The following TENM1 variants were observed in gnomAD, a reference collection of about 807,000 sequenced individuals.
TENM1 encodes the protein teneurin-1.
A neutral mutation model predicts 174.8 loss-of-function variants in TENM1; 35 were observed. That is an observed-to-expected ratio of 0.20 (90% CI 0.15 to 0.27). The LOEUF (loss-of-function observed/expected upper bound fraction) is 0.27, where lower values mean the gene tolerates loss of function less well. Among genes scored for constraint, TENM1 ranks in the 10% least tolerant of loss-of-function variants. The pLI is 1.00. For missense variants in TENM1, 1,633 were observed against 2,130.1 expected (o/e 0.77, Z 4.59); for synonymous variants, 781 against 798.7 (o/e 0.98, Z 0.37).
At position 124,392,086 on chromosome X, in the gene TENM1, T is replaced by C. The variant is rs1471516179; in HGVS notation, c.5654A>G (p.Asp1885Gly). 6 of 1,209,185 alleles carry C rather than the reference T, an allele frequency of 5.0e-6. No individual in the cohort carries two copies. In the South Asian group the frequency reaches 7.1e-5, roughly 14 times the overall value. Residue 1885 changes from aspartate (D) to glycine (G), a missense_variant, in exon 28 of 32, where the codon GAT (aspartate) becomes GGT (glycine). Asp to Gly is a moderately conservative substitution (Grantham distance 94). This residue lies in a region of TENM1 where 807 missense variants were observed against 1,125.3 expected (regional missense o/e 0.72). Transcript: ENST00000422452. ...GTAGGTATAGCTCCAAATTTTCCCA[T>C]CAGCCCAAGTTCTTGAAATAATTTT... is the stretch of plus-strand genomic sequence containing the variant.
the TENM1 span, among the ~76,000 whole-genome samples, chrX:125,076,352 A>G: frequency 3.5e-5 from 3 of 85,783 alleles, no homozygotes; most frequent in South Asian, 1.3e-3. Flanking sequence ...TCCCAAACTG[A>G]TAAAAAACTT....
chrX:124,474,703 T>A (rs1276674045), intron 22 of TENM1, among the ~76,000 whole-genome samples: 1 of 111,677 alleles, frequency 9.0e-6, no homozygotes, highest in Non-Finnish European at 1.9e-5. Context: ...GGCCGGAAGG[T>A]CCTCAAGTTC....
rs200928067 is a variant in TENM1 at position 124,868,570 on chromosome X, CA to C, written c.535+25725del. 1.9e-4 allele frequency among the ~76,000 whole-genome samples: 21 copies of C among 111,149 alleles called. No homozygotes were observed. In the East Asian group the frequency reaches 6.0e-3, roughly 32 times the overall value. On this transcript the variant is annotated intron_variant, in intron 3 of 31. Transcript: ENST00000422452. ...AAACTCTCCAGGATATTACTCTGGGCAAAAAATTTCTTAAGCAATACTCCAC... is the reference window on the plus strand; with the variant it reads ...AAACTCTCCAGGATATTACTCTGGGCAAAAATTTCTTAAGCAATACTCCAC...
intron 19 of TENM1, among the ~76,000 whole-genome samples, chrX:124,501,468 A>T (rs17330818): frequency 0.051 from 5,737 of 112,005 alleles, 300 homozygotes; most frequent in East Asian, 0.15. Context: ...GGAGCCAAAG[A>T]AAACTGAAGA....
At chrX:124,965,685 T>C (rs1339799528), upstream of TENM1, among the ~76,000 whole-genome samples, 2 of 104,034 alleles carry the variant, frequency 1.9e-5, no homozygotes, top group Admixed American at 2.0e-4. Context: ...GCAGCAGATA[T>C]GAACATATAC....
At chrX:124,999,753 T>A in the TENM1 span, among the ~76,000 whole-genome samples, 2 of 110,896 alleles carry the variant, frequency 1.8e-5, no homozygotes, top group Non-Finnish European at 3.8e-5. Context: ...AATGTCTTGC[T>A]CTACAAAGGC....
the TENM1 span, among the ~76,000 whole-genome samples, chrX:125,049,082 C>T: frequency 2.7e-5 from 3 of 111,864 alleles, no homozygotes; most frequent in Admixed American, 1.9e-4. Flanking sequence ...TTTTTAACAG[C>T]TTTATTGAGA....
the TENM1 span, among the ~76,000 whole-genome samples, chrX:125,050,228 G>C: frequency 1.8e-5 from 2 of 109,295 alleles, no homozygotes; most frequent in African/African-American, 6.7e-5. Flanking sequence ...AGTTACATAT[G>C]TATACATGTG....
chrX:124,535,643 A>G lies in TENM1; in HGVS notation c.2652-5660T>C, dbSNP rs775889695. Reference sequence around the variant, plus strand: ...TGCTCATACTTGTGTTATTGCACTTATCATAACCGGTCTTGGATGACAGTT... The same window carrying G: ...TGCTCATACTTGTGTTATTGCACTTGTCATAACCGGTCTTGGATGACAGTT... On this transcript the variant is annotated intron_variant, in intron 15 of 31. Transcript: ENST00000422452. Among the ~76,000 whole-genome samples, 5 of 112,145 alleles carry G rather than the reference A, an allele frequency of 4.5e-5. No individual in the cohort carries two copies. The South Asian group carries it at 1.9e-3, about 42-fold the overall frequency.
the TENM1 span, among the ~76,000 whole-genome samples, chrX:125,160,814 G>A: frequency 3.7e-5 from 4 of 109,469 alleles, no homozygotes; most frequent in Non-Finnish European, 7.6e-5. Flanking sequence ...GAGAAATTGG[G>A]ATGGGACACT....
chrX:125,137,238 A>G, the TENM1 span, among the ~76,000 whole-genome samples: 1 of 111,283 alleles, frequency 9.0e-6, no homozygotes. Flanking sequence ...ATTGATTATT[A>G]TTGTGTATGG....
chrX:124,530,066 G>A lies in TENM1; in HGVS notation c.2652-83C>T, dbSNP rs776571793. On this transcript the variant is annotated intron_variant, in intron 15 of 31. Transcript: ENST00000422452. ...CAAGTTGTAGAAACTTTGGAAAACA[G>A]TCAAGTATAACAAAGAAAACAATAA... 6.1e-4 allele frequency: 633 copies of A among 1,035,557 alleles called. 5 individuals carry two copies. The African/African-American group carries it at 0.011, about 18-fold the overall frequency. 85.3% of individuals were successfully genotyped at this position (1,035,557 alleles called of 1,213,427 possible).
chrX:124,603,989 T>A (rs2843516), intron 11 of TENM1, among the ~76,000 whole-genome samples: 3 of 110,738 alleles, frequency 2.7e-5, no homozygotes, highest in Non-Finnish European at 5.7e-5. Context: ...TCATTACACC[T>A]TATGTAGTAG....
chrX:124,629,754 C>A (rs1163221875), intron 11 of TENM1, among the ~76,000 whole-genome samples: 1 of 112,203 alleles, frequency 8.9e-6, no homozygotes, highest in Non-Finnish European at 1.9e-5. Flanking sequence ...GAATCTCTGA[C>A]AACTTTTATA....
chrX:124,841,833 A>C (rs995197086), intron 3 of TENM1, among the ~76,000 whole-genome samples: 1 of 111,761 alleles, frequency 8.9e-6, no homozygotes, highest in Non-Finnish European at 1.9e-5. Flanking sequence ...GGATTATACG[A>C]ATTCTGGAAG....
chrX:124,492,491 G>C (rs1241825499), intron 20 of TENM1, among the ~76,000 whole-genome samples: 2 of 109,324 alleles, frequency 1.8e-5, no homozygotes, highest in Non-Finnish European at 3.8e-5. Context: ...AACTGATCAG[G>C]ATAGATGCTT....
At chrX:125,163,038 G>A in the TENM1 span, among the ~76,000 whole-genome samples, 1 of 111,336 alleles carries the variant, frequency 9.0e-6, no homozygotes, top group Non-Finnish European at 1.9e-5. Flanking sequence ...TGCCCCCGCT[G>A]CCACCACTTT....
the TENM1 span, among the ~76,000 whole-genome samples, chrX:125,114,302 G>A: frequency 1.8e-5 from 2 of 111,609 alleles, no homozygotes; most frequent in African/African-American, 3.3e-5. Context: ...GCCCACAGGA[G>A]AAAGCAGAAA....
At chrX:124,628,689 CTT>C (rs1412046153) in intron 11 of TENM1, among the ~76,000 whole-genome samples, 1 of 111,177 alleles carries the variant, frequency 9.0e-6, no homozygotes, top group Non-Finnish European at 1.9e-5. Context: ...ATTTTTCCCT[CTT>C]GTGTTGGCTA....
Sources: gnomAD v4.1 joint callset for allele counts (sites outside exome capture counted in the v4.1 genomes callset) on GRCh38, gnomAD v4.1.1 for gene constraint, gnomAD v4.1.1 regional missense constraint, MANE v1.5 for transcripts, NCBI Gene and HGNC (gene_info 2026-07-23, HGNC 2026-07-21) for gene names.